ZKSCAN4: variants seen among roughly 807,000 people sequenced by gnomAD.
The protein encoded by ZKSCAN4 is zinc finger with KRAB and SCAN domains 4.
A neutral mutation model predicts 30.8 loss-of-function variants in ZKSCAN4; 23 were observed. The observed-to-expected ratio is 0.75, with a 90% confidence interval of 0.54 to 1.06. The LOEUF (loss-of-function observed/expected upper bound fraction) is 1.06, where lower values mean the gene tolerates loss of function less well. Ranked by LOEUF, ZKSCAN4 falls within the 50% of genes least tolerant of loss-of-function variation. ZKSCAN4 has a pLI of 0.00. For missense variants in ZKSCAN4, 556 were observed against 665.4 expected, an observed-to-expected ratio of 0.84 and a Z score of 1.81; for synonymous variants, 208 against 252.5, an observed-to-expected ratio of 0.82 and a Z score of 1.67.
At position 28,251,654 on chromosome 6, in the gene ZKSCAN4, C is replaced by T; in HGVS notation, c.327G>A (p.Leu109=). The T allele has an allele frequency of 6.2e-7, 1 of 1,614,232 alleles. No individual in the cohort carries two copies. The highest frequency in any genetic ancestry group is 8.5e-7 in the Non-Finnish European group (1 of 1,180,042). Reference sequence around the variant, plus strand: ...GATGCTGCTCCCGCACCCAGCTCTGCAGATTCCCCGGCAGGATGGTCAGGA... The same window carrying T: ...GATGCTGCTCCCGCACCCAGCTCTGTAGATTCCCCGGCAGGATGGTCAGGA... The part of the protein sequence containing the change: ...EQFLTILPGN[L]QSWVREQHPE... Residue 109 remains leucine, a synonymous_variant, in exon 1 of 5, where the codon CTG becomes CTA. Transcript: ENST00000377294. The surrounding 1 kb of genome is among the most constrained non-coding windows in gnomAD (Gnocchi z 4.5).
rs1206910100 is a variant in ZKSCAN4, at chr6:28,242,377, G to C, written c.*2739C>G. Among the ~76,000 whole-genome samples the C allele has an allele frequency of 6.6e-6, 1 of 152,054 alleles. No individual in the cohort carries two copies. The highest frequency in any genetic ancestry group is 2.4e-5 in the African/African-American group (1 of 41,400). On this transcript the variant is annotated 3_prime_UTR_variant, in exon 5 of 5. Transcript: ENST00000377294. ...GTATCTAAAAGACTGTAAGCAAAAT[G>C]ATTTTATTTGATATTATATAATACA... is the stretch of plus-strand genomic sequence containing the variant.
Position 28,249,925 on chromosome 6 carries a change from C to G in ZKSCAN4, c.424-91G>C, listed in dbSNP as rs1299492621. Reference sequence around the variant, plus strand: ...ATTTTCTAGGCACTGTTTCTACAAGCCTTATGATATTAACACAATTAATAT... The same window carrying G: ...ATTTTCTAGGCACTGTTTCTACAAGGCTTATGATATTAACACAATTAATAT... On this transcript the variant is annotated intron_variant, in intron 1 of 4. Coordinates refer to ENST00000377294, the MANE Select transcript of ZKSCAN4 (RefSeq NM_019110.5). This position sits in a 1 kb window ranked among gnomAD's most constrained non-coding sequence, Gnocchi z 4.1. 1 of 1,431,166 alleles carries G rather than the reference C, an allele frequency of 7.0e-7. No homozygotes were observed. Among genetic ancestry groups the G allele is most frequent in the African/African-American group, 1.4e-5 (1 of 69,820 alleles). 88.7% of individuals were successfully genotyped at this position (1,431,166 alleles called of 1,614,324 possible). A position where few individuals can be genotyped will look rare whatever the true frequency, so the allele number is the denominator to read the frequency against.
At position 28,242,445 on chromosome 6, in the gene ZKSCAN4, A is replaced by G. The variant is rs1581573042; in HGVS notation, c.*2671T>C. 6.6e-6 allele frequency among the ~76,000 whole-genome samples: 1 copy of G among 152,346 alleles called. No homozygotes were observed. Among genetic ancestry groups the G allele is most frequent in the East Asian group, 1.9e-4 (1 of 5,186 alleles). On this transcript the variant is annotated 3_prime_UTR_variant, in exon 5 of 5. Coordinates refer to ENST00000377294, the MANE Select transcript of ZKSCAN4 (RefSeq NM_019110.5). ...GATAATATTTTGATTATAAAATATC[A>G]TGGCTCCCCAGTGCTTACTGAATAA...
In ZKSCAN4 at chr6:28,245,078, T is replaced by C; in HGVS notation, c.*38A>G. ...GGGCTCCAGGGTGGCTTCAGTTCAG[T>C]GACAAATGAGCACCAATGTTGGCAT... On this transcript the variant is annotated 3_prime_UTR_variant, in exon 5 of 5. Transcript: ENST00000377294. The C allele has an allele frequency of 6.2e-7, 1 of 1,614,024 alleles. No homozygotes were observed. Among genetic ancestry groups the C allele is most frequent in the Middle Eastern group, 1.6e-4 (1 of 6,062 alleles).
chr6:28,251,786 C>T lies in ZKSCAN4; in HGVS notation c.195G>A (p.Ala65=), dbSNP rs766462128. ...RFRGFRYPEA[A]GPREALSRLR... Reference sequence around the variant, plus strand: ...GCCGGCTCAACGCCTCGCGGGGGCCCGCAGCCTCCGGGTAGCGGAAGCCTC... The same window carrying T: ...GCCGGCTCAACGCCTCGCGGGGGCCTGCAGCCTCCGGGTAGCGGAAGCCTC... Residue 65 remains alanine (A), a synonymous_variant, in exon 1 of 5, where the codon GCG becomes GCA. Transcript: ENST00000377294. The surrounding 1 kb of genome is among the most constrained non-coding windows in gnomAD (Gnocchi z 4.5). 229 of 1,613,864 alleles carry T rather than the reference C, an allele frequency of 1.4e-4. 2 individuals are homozygous for T. Among genetic ancestry groups the T allele is most frequent in the Non-Finnish European group, 1.4e-4 (162 of 1,179,896 alleles).
In ZKSCAN4 at chr6:28,242,526, A is replaced by C. The variant is rs1760532216; in HGVS notation, c.*2590T>G. On this transcript the variant is annotated 3_prime_UTR_variant, in exon 5 of 5. Coordinates refer to ENST00000377294, the MANE Select transcript of ZKSCAN4 (RefSeq NM_019110.5). ...CCCCTACAATGTCCCTATCTCTTAAAATTTGCTTTATTTACTCAATTGGAC... is the reference window on the plus strand; with the variant it reads ...CCCCTACAATGTCCCTATCTCTTAACATTTGCTTTATTTACTCAATTGGAC... 6.6e-6 allele frequency among the ~76,000 whole-genome samples: 1 copy of C among 152,188 alleles called. No homozygotes were observed. The highest frequency in any genetic ancestry group is 2.4e-5 in the African/African-American group (1 of 41,440).
Position 28,251,536 on chromosome 6 carries a change from A to G in ZKSCAN4, c.423+22T>C, listed in dbSNP as rs1297027454. ...GGAGGAAACAGACCACAGCGCTCAG[A>G]TACTAAACCTGTTCTTTCTACCTGC... On this transcript the variant is annotated intron_variant, in intron 1 of 4. Transcript: ENST00000377294. This position sits in a 1 kb window ranked among gnomAD's most constrained non-coding sequence, Gnocchi z 4.5. The G allele has an allele frequency of 6.2e-7, 1 of 1,614,138 alleles. No homozygotes were observed. The highest frequency in any genetic ancestry group is 1.1e-5 in the South Asian group (1 of 91,064).
At chr6:28,248,511 G>A (rs917021244) in intron 2 of ZKSCAN4, among the ~76,000 whole-genome samples, 1 of 151,988 alleles carries the variant, frequency 6.6e-6, no homozygotes, top group African/African-American at 2.4e-5. Context: ...TAGATATTAG[G>A]ATGCTTTCCA....
At position 28,251,845 on chromosome 6, in the gene ZKSCAN4, C is replaced by A. The variant is rs1561862874; in HGVS notation, c.136G>T (p.Ala46Ser). Reference protein sequence around the residue: ...TAEVRAPCSPARGPERSRQRF... With the variant: ...TAEVRAPCSPSRGPERSRQRF... Reference sequence around the variant, plus strand: ...TGGCGGGAGCGTTCGGGGCCCCGAGCAGGGCTGCAGGGTGCTCTCACCTCC... The same window carrying A: ...TGGCGGGAGCGTTCGGGGCCCCGAGAAGGGCTGCAGGGTGCTCTCACCTCC... Residue 46 changes from alanine to serine, a missense_variant, in exon 1 of 5, where the codon GCT becomes TCT. Ala to Ser is a moderately conservative substitution (Grantham distance 99). Around this residue, in one of 3 missense-constraint regions of ZKSCAN4, gnomAD observed 115 missense variants for 125.9 expected, o/e 0.91. Transcript: ENST00000377294. This position sits in a 1 kb window ranked among gnomAD's most constrained non-coding sequence, Gnocchi z 4.5. The A allele has an allele frequency of 1.9e-6, 3 of 1,600,236 alleles. No homozygotes were observed. The highest frequency in any genetic ancestry group is 4.5e-5 in the East Asian group (2 of 44,662).
rs1231748984 is a variant in ZKSCAN4 at position 28,251,557 on chromosome 6, C to A, written c.423+1G>T. On this transcript the variant is annotated splice_donor_variant, in intron 1 of 4. Coordinates refer to ENST00000377294, the MANE Select transcript of ZKSCAN4 (RefSeq NM_019110.5). LOFTEE classifies it high-confidence loss of function. The surrounding 1 kb of genome is among the most constrained non-coding windows in gnomAD (Gnocchi z 4.5). ...TCAGATACTAAACCTGTTCTTTCTA[C>A]CTGCGGCGCCGGCTCATCCAGCTGC... is the stretch of plus-strand genomic sequence containing the variant. The A allele has an allele frequency of 3.1e-6, 5 of 1,614,080 alleles. No individual in the cohort carries two copies. Among genetic ancestry groups the A allele is most frequent in the Non-Finnish European group, 3.4e-6 (4 of 1,180,034 alleles).
intron 3 of ZKSCAN4, 117 bp downstream of exon 3, chr6:28,247,950 A>G: frequency 1.5e-6 from 1 of 649,080 alleles, no homozygotes; most frequent in Admixed American, 3.1e-5. Flanking sequence ...AGAAAACTCA[A>G]ATTCATGTAG....
In ZKSCAN4 at chr6:28,248,125, T is replaced by A; in HGVS notation, c.596A>T (p.Gln199Leu). Residue 199 changes from glutamine to leucine, a missense_variant, in exon 3 of 5, where the codon CAG (glutamine) becomes CTG (leucine). Gln to Leu is a moderately radical substitution (Grantham distance 113, BLOSUM62 -2). Around this residue, in one of 3 missense-constraint regions of ZKSCAN4, gnomAD observed 433 missense variants for 511.5 expected, o/e 0.85. Transcript: ENST00000377294. ...TGCATCTTCTCTGCAGCACCCTCCC[T>A]GGGCAAGCCCAGGAACCTGGAGAAC... ...DRVLQVPGLA[Q>L]GGCCREDAMV... 6.2e-7 allele frequency: 1 copy of A among 1,613,706 alleles called. No homozygotes were observed. The highest frequency in any genetic ancestry group is 1.1e-5 in the South Asian group (1 of 90,934).
At position 28,244,702 on chromosome 6, in the gene ZKSCAN4, A is replaced by C. The variant is rs1021526237; in HGVS notation, c.*414T>G. On this transcript the variant is annotated 3_prime_UTR_variant, in exon 5 of 5. Coordinates refer to ENST00000377294, the MANE Select transcript of ZKSCAN4 (RefSeq NM_019110.5). ...ACCTATCATACAAGGCACAAAGAAGAGTAAAAGACCTCATGGATCTGACCA... is the reference window on the plus strand; with the variant it reads ...ACCTATCATACAAGGCACAAAGAAGCGTAAAAGACCTCATGGATCTGACCA... The C allele has an allele frequency of 4.2e-6, 1 of 235,326 alleles. No homozygotes were observed. The highest frequency in any genetic ancestry group is 2.3e-5 in the African/African-American group (1 of 44,280). The allele number at this position is 235,326 out of a possible 1,614,324, so 14.6% of individuals were successfully genotyped here.
the ZKSCAN4 span, among the ~76,000 whole-genome samples, chr6:28,258,017 AT>A: frequency 6.6e-6 from 1 of 152,250 alleles, no homozygotes; most frequent in Non-Finnish European, 1.5e-5. Context: ...GACCATTCAC[AT>A]ATAATACTCC....
chr6:28,245,393 T>A lies in ZKSCAN4; in HGVS notation c.1361A>T (p.His454Leu), dbSNP rs780555298. The change falls in exon 5 of 5, where the codon CAT becomes CTT. Residue 454 changes from histidine to leucine, a missense_variant. His to Leu is a moderately conservative substitution (Grantham distance 99, BLOSUM62 -3). Transcript: ENST00000377294. ...AGGATTCTGAACATTTTTATCACCA[T>A]GAATCCTCTGATGTCTCAGGAGATG... ...NSHLLRHQRI[H>L]GDKNVQNPEH... 1.9e-6 allele frequency: 3 copies of A among 1,614,260 alleles called. No individual in the cohort carries two copies. Among genetic ancestry groups the A allele is most frequent in the Non-Finnish European group, 2.5e-6 (3 of 1,180,046 alleles).
chr6:28,254,096 G>A (rs1761109125), upstream of ZKSCAN4, among the ~76,000 whole-genome samples: 1 of 152,200 alleles, frequency 6.6e-6, no homozygotes, highest in South Asian at 2.1e-4. Context: ...CAAAATTAGG[G>A]CTTAGCTCAA....
chr6:28,246,557 A>G (rs1047004836), intron 4 of ZKSCAN4, among the ~76,000 whole-genome samples: 3 of 152,020 alleles, frequency 2.0e-5, no homozygotes, highest in Non-Finnish European at 4.4e-5. Context: ...ACGCCTCTGC[A>G]CCCTCACCCC....
chr6:28,248,270 T>C (rs1581583364), intron 2 of ZKSCAN4, 121 bp from the exon 3 acceptor site: 3 of 677,812 alleles, frequency 4.4e-6, no homozygotes, highest in Non-Finnish European at 7.5e-6. Flanking sequence ...CAGAATGTGT[T>C]CCTTTCAAAA....
chr6:28,247,628 T>A (rs1273099618), intron 3 of ZKSCAN4, among the ~76,000 whole-genome samples: 1 of 152,256 alleles, frequency 6.6e-6, no homozygotes, highest in Non-Finnish European at 1.5e-5. Flanking sequence ...AACTATGCCT[T>A]ATCTGACCTT....
Sources: gnomAD v4.1 joint callset for allele counts (sites outside exome capture counted in the v4.1 genomes callset) on GRCh38, gnomAD v4.1.1 for gene constraint, gnomAD v4.1.1 regional missense constraint, Gnocchi (gnomAD v3.1) non-coding constraint, MANE v1.5 for transcripts, NCBI Gene and HGNC (gene_info 2026-07-23, HGNC 2026-07-21) for gene names.